The following JAKMIP2 variants were observed in gnomAD, a reference collection of about 807,000 sequenced individuals.
The protein encoded by JAKMIP2 is janus kinase and microtubule interacting protein 2, also known as janus kinase and microtubule-interacting protein 2.
Under a neutral mutation model 115.0 loss-of-function variants are expected in JAKMIP2, and 25 were observed. That is an observed-to-expected ratio of 0.22 (90% CI 0.16 to 0.30). The LOEUF (loss-of-function observed/expected upper bound fraction) is 0.30. Among genes scored for constraint, JAKMIP2 ranks in the 10% least tolerant of loss-of-function variants. The pLI, the probability that JAKMIP2 is intolerant of heterozygous loss-of-function variation, is 1.00. For missense variants in JAKMIP2, 642 were observed against 957.6 expected (o/e 0.67, Z 4.35); for synonymous variants, 334 against 343.6 (o/e 0.97, Z 0.31).
At chr5:147,712,649 G>T (rs1031718400) in intron 1 of JAKMIP2, among the ~76,000 whole-genome samples, 1 of 151,606 alleles carries the variant, frequency 6.6e-6, no homozygotes, top group Admixed American at 6.6e-5. Context: ...TAGTGGAGGT[G>T]GGGGAGGGGA....
intron 8 of JAKMIP2, 103 bp downstream of exon 8, chr5:147,641,605 C>A: frequency 1.3e-6 from 1 of 788,738 alleles, no homozygotes; most frequent in Non-Finnish European, 2.2e-6. Context: ...TGCAACAGTT[C>A]TGGAACACCT....
intron 1 of JAKMIP2, 115 bp downstream of exon 1, chr5:147,782,341 C>A: frequency 1.9e-6 from 2 of 1,029,338 alleles, no homozygotes; most frequent in South Asian, 2.7e-5. Flanking sequence ...CTCCACATCT[C>A]CCCCTTCTAG....
chr5:147,637,680 T>A (rs1185752943), intron 10 of JAKMIP2, among the ~76,000 whole-genome samples: 1 of 152,112 alleles, frequency 6.6e-6, no homozygotes, highest in Non-Finnish European at 1.5e-5. Context: ...CCTCAGATGA[T>A]CCACCCGTCT....
At chr5:147,699,927 T>G (rs1382568157) in intron 1 of JAKMIP2, among the ~76,000 whole-genome samples, 1 of 152,262 alleles carries the variant, frequency 6.6e-6, no homozygotes, top group Non-Finnish European at 1.5e-5. Context: ...AATTATTCTC[T>G]GGCATGAAGC....
intron 1 of JAKMIP2, among the ~76,000 whole-genome samples, chr5:147,723,882 A>G (rs770710829): frequency 7.9e-5 from 12 of 152,190 alleles, no homozygotes; most frequent in Non-Finnish European, 1.3e-4. Context: ...ACCCCCAAAG[A>G]GAGATGTATA....
intron 10 of JAKMIP2, among the ~76,000 whole-genome samples, chr5:147,638,993 A>G (rs923574299): frequency 1.3e-5 from 2 of 152,226 alleles, no homozygotes; most frequent in Non-Finnish European, 2.9e-5. Context: ...AAGAATTAGT[A>G]TAGTACATGT....
At chr5:147,715,897 G>A (rs1404535430) in intron 1 of JAKMIP2, among the ~76,000 whole-genome samples, 3 of 144,412 alleles carry the variant, frequency 2.1e-5, no homozygotes, top group Admixed American at 7.0e-5. Context: ...ACAATGTGCA[G>A]GTTAGTTACA....
chr5:147,624,830 T>C (rs1454987658), intron 16 of JAKMIP2, among the ~76,000 whole-genome samples: 1 of 150,462 alleles, frequency 6.6e-6, no homozygotes, highest in Non-Finnish European at 1.5e-5. Context: ...ATGGAAAGGT[T>C]ACCTGATTTC....
intron 19 of JAKMIP2, among the ~76,000 whole-genome samples, chr5:147,617,575 A>G (rs1010301442): frequency 6.6e-6 from 1 of 152,124 alleles, no homozygotes; most frequent in Non-Finnish European, 1.5e-5. Flanking sequence ...AATACATGGG[A>G]AGCACTATTT....
At chr5:147,610,948 C>A (rs1046239118) in intron 20 of JAKMIP2, among the ~76,000 whole-genome samples, 17 of 152,196 alleles carry the variant, frequency 1.1e-4, no homozygotes, top group African/African-American at 4.1e-4. Flanking sequence ...TGGGCTCCAC[C>A]TAGTCTGAAC....
intron 2 of JAKMIP2, among the ~76,000 whole-genome samples, chr5:147,662,782 C>A: frequency 1.3e-5 from 2 of 152,128 alleles, no homozygotes; most frequent in Non-Finnish European, 2.9e-5. Flanking sequence ...GTCAGGAGAT[C>A]GAGACTAGCC....
rs1260124982 is a variant in JAKMIP2 at position 147,590,398 on chromosome 5, A to C, written c.*1309T>G. 1 of 152,202 alleles carries C rather than the reference A, an allele frequency of 6.6e-6. No homozygotes were observed. The highest frequency in any genetic ancestry group is 1.5e-5 in the Non-Finnish European group (1 of 68,032). The allele number at this position is 152,202 out of a possible 1,614,324, so 9.4% of individuals were successfully genotyped here. ...AGACTCAGTAATACACAACTTAGGAAAAGTACCAGTCCTCTAATTGTCTCT... is the reference window on the plus strand; with the variant it reads ...AGACTCAGTAATACACAACTTAGGACAAGTACCAGTCCTCTAATTGTCTCT... On this transcript the variant is annotated 3_prime_UTR_variant, in exon 22 of 22. Transcript: ENST00000616793.
chr5:147,672,066 T>TAC, intron 1 of JAKMIP2, 112 bp from the exon 2 acceptor site: 6 of 536,110 alleles, frequency 1.1e-5, no homozygotes, highest in Non-Finnish European at 1.6e-5. Context: ...GAGGCTCTCC[T>TAC]ATCCTCAGTA....
chr5:147,724,993 A>T (rs568317791), intron 1 of JAKMIP2, among the ~76,000 whole-genome samples: 1 of 152,166 alleles, frequency 6.6e-6, no homozygotes. Context: ...CACAAGATAC[A>T]GGTCACAAAG....
At chr5:147,741,883 A>G (rs1466213764) in intron 1 of JAKMIP2, among the ~76,000 whole-genome samples, 1 of 152,016 alleles carries the variant, frequency 6.6e-6, no homozygotes, top group African/African-American at 2.4e-5. Context: ...TTGCTGCTCT[A>G]TGTCCCAACC....
chr5:147,697,307 A>G (rs1332992237), intron 1 of JAKMIP2, among the ~76,000 whole-genome samples: 1 of 152,178 alleles, frequency 6.6e-6, no homozygotes, highest in African/African-American at 2.4e-5. Flanking sequence ...AGACTTATTC[A>G]CTATCATGAG....
Position 147,639,763 on chromosome 5 carries a change from T to A in JAKMIP2, c.1402-3A>T. ...TCAGATTCTTCAGCTGCTAAACTCTTGAGGTTAAGAAAAAAAGCCCCAAAA... is the reference window on the plus strand; with the variant it reads ...TCAGATTCTTCAGCTGCTAAACTCTAGAGGTTAAGAAAAAAAGCCCCAAAA... On this transcript the variant is annotated splice_region_variant and splice_polypyrimidine_tract_variant and intron_variant, in intron 9 of 21. Transcript: ENST00000616793. The A allele has an allele frequency of 6.2e-7, 1 of 1,604,108 alleles. No individual in the cohort carries two copies.
intron 1 of JAKMIP2, among the ~76,000 whole-genome samples, chr5:147,747,106 A>T (rs1353863464): frequency 2.0e-5 from 3 of 152,044 alleles, no homozygotes; most frequent in Non-Finnish European, 2.9e-5. Flanking sequence ...TATTATTATT[A>T]TTTTTAACCC....
chr5:147,709,058 A>G (rs1752683497), intron 1 of JAKMIP2, among the ~76,000 whole-genome samples: 1 of 152,236 alleles, frequency 6.6e-6, no homozygotes. Context: ...TGATAGTTTA[A>G]TCTAAAAGCA....
Sources: allele counts gnomAD v4.1 joint callset (sites outside exome capture counted in the v4.1 genomes callset), GRCh38; gene constraint gnomAD v4.1.1; transcripts MANE v1.5; gene names NCBI Gene and HGNC (gene_info 2026-07-23, HGNC 2026-07-21).